The following SLC22A15 variants were observed in gnomAD, a reference collection of about 807,000 sequenced individuals.
The protein encoded by SLC22A15 is solute carrier family 22 member 15.
SLC22A15 carries 45 observed loss-of-function variants against 62.7 expected under a neutral mutation model. The ratio of observed to expected loss-of-function variants is 0.72; its 90% CI spans 0.56 to 0.92. The LOEUF (loss-of-function observed/expected upper bound fraction) is 0.92. Among genes scored for constraint, SLC22A15 ranks in the 40% least tolerant of loss-of-function variants. The pLI, the probability that SLC22A15 is intolerant of heterozygous loss-of-function variation, is 0.00. For missense variants in SLC22A15, 622 were observed against 665.6 expected (o/e 0.93, Z 0.72); for synonymous variants, 264 against 267.0 (o/e 0.99, Z 0.11).
At chr1:115,989,143 G>A (rs1655027255) in intron 1 of SLC22A15, among the ~76,000 whole-genome samples, 1 of 152,034 alleles carries the variant, frequency 6.6e-6, no homozygotes, top group Admixed American at 6.6e-5. Context: ...GTGTGGGTGT[G>A]TGTGCATGTG....
chr1:116,028,349 G>T (rs1161314590), intron 5 of SLC22A15, among the ~76,000 whole-genome samples: 1 of 151,592 alleles, frequency 6.6e-6, no homozygotes, highest in East Asian at 1.9e-4. Flanking sequence ...GTAATAAATG[G>T]GTGCCTACTA....
intron 8 of SLC22A15, among the ~76,000 whole-genome samples, chr1:116,043,020 A>C (rs6667729): frequency 0.94 from 143,118 of 152,276 alleles, 67,824 homozygotes; most frequent in East Asian, 1. Flanking sequence ...AGAAAGATAT[A>C]TGGAAGATCC....
chr1:115,997,327 G>T (rs1043808774), intron 2 of SLC22A15, among the ~76,000 whole-genome samples: 3 of 151,858 alleles, frequency 2.0e-5, no homozygotes, highest in African/African-American at 7.3e-5. Flanking sequence ...ATTTTTTTCT[G>T]TTTCTGTGAA....
At chr1:116,045,472 C>T (rs963022835) in intron 8 of SLC22A15, among the ~76,000 whole-genome samples, 6 of 151,720 alleles carry the variant, frequency 4.0e-5, no homozygotes, top group African/African-American at 1.5e-4. Context: ...GGCATGGTGG[C>T]TCATGCATGT....
At chr1:116,009,625 A>G (rs1455161137) in intron 2 of SLC22A15, among the ~76,000 whole-genome samples, 1 of 152,168 alleles carries the variant, frequency 6.6e-6, no homozygotes, top group African/African-American at 2.4e-5. Flanking sequence ...TGCAGTGCCA[A>G]ACTAAAACCT....
Position 116,032,505 on chromosome 1 carries a change from A to G in SLC22A15, c.944+924A>G, listed in dbSNP as rs923023206. On this transcript the variant is annotated intron_variant, in intron 6 of 11. Coordinates refer to ENST00000369503, the MANE Select transcript of SLC22A15 (RefSeq NM_018420.3). ...ATTTTATATGAAAGTGATCTTATGT[A>G]TAAAGCTACAAAGAATAGTAGCTTT... is the stretch of plus-strand genomic sequence containing the variant. 11 of 985,246 alleles carry G rather than the reference A, an allele frequency of 1.1e-5. No individual in the cohort carries two copies. The Admixed American group carries it at 1.8e-4, about 17-fold the overall frequency. 61.0% of individuals were successfully genotyped at this position (985,246 alleles called of 1,614,324 possible). A position where few individuals can be genotyped will look rare whatever the true frequency, so the allele number is the denominator to read the frequency against.
intron 4 of SLC22A15, among the ~76,000 whole-genome samples, chr1:116,024,004 G>A (rs1184553776): frequency 6.6e-6 from 1 of 152,146 alleles, no homozygotes; most frequent in Non-Finnish European, 1.5e-5. Context: ...GGCCTGTGAT[G>A]GGCCAAATGA....
intron 5 of SLC22A15, among the ~76,000 whole-genome samples, 155 bp downstream of exon 5, chr1:116,027,177 G>C (rs576336082): frequency 6.6e-6 from 1 of 152,348 alleles, no homozygotes; most frequent in South Asian, 2.1e-4. Context: ...ATTCTTGGCA[G>C]CTCCTGGGAA....
intron 8 of SLC22A15, among the ~76,000 whole-genome samples, chr1:116,059,908 C>T (rs1210833208): frequency 2.0e-5 from 3 of 152,170 alleles, no homozygotes; most frequent in Non-Finnish European, 4.4e-5. Context: ...GTAGTAGTCG[C>T]ATCATTGGAA....
intron 5 of SLC22A15, among the ~76,000 whole-genome samples, chr1:116,030,589 C>T (rs749712830): frequency 3.3e-5 from 5 of 152,122 alleles, no homozygotes; most frequent in Non-Finnish European, 5.9e-5. Context: ...AGTTTTGAAA[C>T]TCTTTGAATA....
At chr1:116,056,141 G>C (rs1320514393) in intron 8 of SLC22A15, among the ~76,000 whole-genome samples, 1 of 151,884 alleles carries the variant, frequency 6.6e-6, no homozygotes, top group Non-Finnish European at 1.5e-5. Context: ...TGACATGATT[G>C]TATATCTAGA....
intron 3 of SLC22A15, among the ~76,000 whole-genome samples, chr1:116,020,256 A>AC (rs1338889066): frequency 5.3e-5 from 8 of 151,440 alleles, no homozygotes; most frequent in East Asian, 1.9e-4. Context: ...TAAAAAAAAA[A>AC]AAAAACACAC....
chr1:116,035,622 G>A (rs1379708157), intron 7 of SLC22A15, among the ~76,000 whole-genome samples: 1 of 152,142 alleles, frequency 6.6e-6, no homozygotes, highest in Non-Finnish European at 1.5e-5. Context: ...TAGTCTGTAT[G>A]TAATTTGTTA....
At chr1:115,998,345 G>A (rs1775699) in intron 2 of SLC22A15, among the ~76,000 whole-genome samples, 23,829 of 151,984 alleles carry the variant, frequency 0.16, 3,598 homozygotes, top group African/African-American at 0.4. Flanking sequence ...ATTTTTTGGA[G>A]TACTTTGAGT....
At chr1:116,040,185 G>A (rs1657741171) in intron 8 of SLC22A15, among the ~76,000 whole-genome samples, 1 of 152,184 alleles carries the variant, frequency 6.6e-6, no homozygotes, top group African/African-American at 2.4e-5. Context: ...AAAATAGATT[G>A]TTTGGCATTC....
chr1:116,058,920 G>T (rs576590768), intron 8 of SLC22A15, among the ~76,000 whole-genome samples: 3 of 152,148 alleles, frequency 2.0e-5, no homozygotes, highest in Non-Finnish European at 4.4e-5. Flanking sequence ...CTATGAGGAC[G>T]CAAAAGCATA....
chr1:116,000,733 C>T (rs1032221344), intron 2 of SLC22A15, among the ~76,000 whole-genome samples: 23 of 145,074 alleles, frequency 1.6e-4, no homozygotes, highest in African/African-American at 5.4e-4. Context: ...CAGGTTCCTT[C>T]GATTCTCCTG....
intron 8 of SLC22A15, among the ~76,000 whole-genome samples, chr1:116,058,409 A>G (rs1234799918): frequency 6.6e-6 from 1 of 152,352 alleles, no homozygotes; most frequent in Non-Finnish European, 1.5e-5. Context: ...TGAAAGCCAC[A>G]GTGCGATACC....
chr1:116,025,158 G>A (rs1033640085), intron 4 of SLC22A15, among the ~76,000 whole-genome samples: 3 of 152,320 alleles, frequency 2.0e-5, no homozygotes, highest in African/African-American at 7.2e-5. Flanking sequence ...GGTCAGAGTA[G>A]TATGTAACAG....
Sources: allele counts gnomAD v4.1 joint callset (sites outside exome capture counted in the v4.1 genomes callset), GRCh38; gene constraint gnomAD v4.1.1; transcripts MANE v1.5; gene names NCBI Gene and HGNC (gene_info 2026-07-23, HGNC 2026-07-21).